The following PRKG1 variants were observed in gnomAD, a reference collection of about 807,000 sequenced individuals.
PRKG1 encodes the protein protein kinase cGMP-dependent 1.
PRKG1 carries 35 observed loss-of-function variants against 88.1 expected under a neutral mutation model. The observed-to-expected ratio is 0.40, with a 90% CI of 0.30 to 0.53. The LOEUF is 0.53. PRKG1 is among the 20% of genes least tolerant of loss of function. PRKG1 has a pLI of 0.59. For missense variants in PRKG1, 540 were observed against 839.8 expected (o/e 0.64, Z 4.41); for synonymous variants, 303 against 292.5 (o/e 1.04, Z -0.37).
At chr10:51,907,858 AT>A in intron 5 of PRKG1, 1 of 284,964 alleles carries the variant, frequency 3.5e-6, no homozygotes, top group South Asian at 1.1e-4. Context: ...TATTTCTCTT[AT>A]TTTAACTAGT....
intron 2 of PRKG1, among the ~76,000 whole-genome samples, chr10:51,450,891 A>G (rs1456513360): frequency 6.6e-6 from 1 of 151,812 alleles, no homozygotes; most frequent in Non-Finnish European, 1.5e-5. Context: ...CAAAAGCATT[A>G]TAGAAGTCTA....
chr10:51,144,763 G>A (rs1032959660), intron 1 of PRKG1, among the ~76,000 whole-genome samples: 3 of 152,166 alleles, frequency 2.0e-5, no homozygotes, highest in African/African-American at 7.2e-5. Context: ...GTATGTCAGA[G>A]TAGAAAATCT....
intron 1 of PRKG1, among the ~76,000 whole-genome samples, chr10:51,039,141 T>G (rs146655021): frequency 5.6e-4 from 86 of 152,318 alleles, no homozygotes; most frequent in African/African-American, 1.8e-3. Context: ...TATTTTTAGT[T>G]TTTTGAGGAA....
rs181279605 is a variant in PRKG1, at chr10:51,763,455, G to A, written c.593-41130G>A. Among the ~76,000 whole-genome samples the A allele has an allele frequency of 6.2e-4, 94 of 152,020 alleles. No homozygotes were observed. The East Asian group carries it at 0.014, about 22-fold the overall frequency. Reference sequence around the variant, plus strand: ...AAAATTTTTATAGAGGTCTTGCTACGTTGTCTAAGCTGGTCTTGAACTCCT... The same window carrying A: ...AAAATTTTTATAGAGGTCTTGCTACATTGTCTAAGCTGGTCTTGAACTCCT... On this transcript the variant is annotated intron_variant, in intron 3 of 17. Transcript: ENST00000373980.
At chr10:51,868,258 G>A (rs1379436617) in intron 4 of PRKG1, among the ~76,000 whole-genome samples, 2 of 152,264 alleles carry the variant, frequency 1.3e-5, no homozygotes, top group Admixed American at 6.5e-5. Context: ...GTAGCAACCA[G>A]CATGGTTGCC....
At chr10:51,529,667 A>G (rs1020342428) in intron 3 of PRKG1, among the ~76,000 whole-genome samples, 5 of 151,406 alleles carry the variant, frequency 3.3e-5, no homozygotes, top group South Asian at 4.2e-4. Context: ...TCACTGAAAT[A>G]GCAATACAGA....
chr10:51,929,324 T>C (rs898412937), intron 5 of PRKG1, among the ~76,000 whole-genome samples: 2 of 151,064 alleles, frequency 1.3e-5, no homozygotes, highest in Non-Finnish European at 2.9e-5. Flanking sequence ...TAGCATTGCC[T>C]GACCAACATC....
intron 8 of PRKG1, among the ~76,000 whole-genome samples, chr10:52,158,230 T>C (rs1838180211): frequency 6.6e-6 from 1 of 151,658 alleles, no homozygotes; most frequent in Non-Finnish European, 1.5e-5. Flanking sequence ...AACTCATAAA[T>C]AATATTTTCT....
At chr10:52,189,471 C>G (rs974764241) in intron 9 of PRKG1, among the ~76,000 whole-genome samples, 2 of 152,186 alleles carry the variant, frequency 1.3e-5, no homozygotes, top group African/African-American at 4.8e-5. Flanking sequence ...GCATTACTAC[C>G]TGAGCTCTGC....
intron 3 of PRKG1, among the ~76,000 whole-genome samples, chr10:51,646,251 G>C (rs1039536353): frequency 1.3e-5 from 2 of 152,114 alleles, no homozygotes; most frequent in Non-Finnish European, 2.9e-5. Context: ...AATTATTTTA[G>C]ATCTCAGTTT....
intron 4 of PRKG1, among the ~76,000 whole-genome samples, chr10:51,876,617 C>T (rs1361798262): frequency 6.6e-6 from 1 of 152,190 alleles, no homozygotes; most frequent in African/African-American, 2.4e-5. Context: ...GTTCAGCAAA[C>T]GTTGTCAGTG....
chr10:51,847,058 T>C (rs1840416496), intron 4 of PRKG1, among the ~76,000 whole-genome samples: 1 of 152,186 alleles, frequency 6.6e-6, no homozygotes, highest in Non-Finnish European at 1.5e-5. Context: ...TTTATTCTAA[T>C]AGCAGCTCAG....
chr10:51,360,868 A>G (rs1041345179), intron 2 of PRKG1, among the ~76,000 whole-genome samples: 18 of 151,880 alleles, frequency 1.2e-4, no homozygotes, highest in Non-Finnish European at 2.5e-4. Context: ...TTGTCTCTGA[A>G]CAAGTCAATT....
At chr10:51,714,619 T>C (rs1378985689) in intron 3 of PRKG1, among the ~76,000 whole-genome samples, 1 of 152,210 alleles carries the variant, frequency 6.6e-6, no homozygotes, top group African/African-American at 2.4e-5. Flanking sequence ...TTTTGTGTAC[T>C]ACAGTATGTA....
chr10:51,122,760 C>T lies in PRKG1; in HGVS notation c.312-30404C>T, dbSNP rs563804524. 1.4e-4 allele frequency among the ~76,000 whole-genome samples: 22 copies of T among 152,244 alleles called. No homozygotes were observed. In the South Asian group the frequency reaches 2.9e-3, roughly 20 times the overall value. On this transcript the variant is annotated intron_variant, in intron 1 of 17. Coordinates refer to ENST00000373980, the MANE Select transcript of PRKG1 (RefSeq NM_006258.4). ...TGGCAACTACGCCATGTTGTTCTCC[C>T]GTTGAGCATCAATAATGTCATAAAC...
chr10:52,159,658 A>G (rs1393556394), intron 8 of PRKG1, among the ~76,000 whole-genome samples: 2 of 151,802 alleles, frequency 1.3e-5, no homozygotes, highest in Non-Finnish European at 3.0e-5. Flanking sequence ...TTAAGTTAAA[A>G]GTTTTAATTC....
At chr10:51,303,507 T>C (rs1267848670) in intron 2 of PRKG1, among the ~76,000 whole-genome samples, 4 of 151,774 alleles carry the variant, frequency 2.6e-5, no homozygotes, top group African/African-American at 9.7e-5. Flanking sequence ...TCAGCCTCTT[T>C]TACTCTTTCA....
chr10:51,998,320 G>A (rs942909434), intron 5 of PRKG1, among the ~76,000 whole-genome samples: 31 of 151,912 alleles, frequency 2.0e-4, no homozygotes, highest in African/African-American at 6.5e-4. Flanking sequence ...TTGGGTTCTT[G>A]ATTTCGTGTG....
intron 2 of PRKG1, among the ~76,000 whole-genome samples, chr10:51,432,415 T>TA (rs71029369): frequency 7.3e-5 from 11 of 151,450 alleles, no homozygotes; most frequent in Middle Eastern, 3.2e-3. Context: ...AACCAACAAA[T>TA]AAAAAAAACA....
Sources: allele counts gnomAD v4.1 joint callset (sites outside exome capture counted in the v4.1 genomes callset), GRCh38; gene constraint gnomAD v4.1.1; transcripts MANE v1.5; gene names NCBI Gene and HGNC (gene_info 2026-07-23, HGNC 2026-07-21).